CTNNA2: variants seen among roughly 807,000 people sequenced by gnomAD.
CTNNA2 encodes catenin alpha-2.
Under a neutral mutation model 101.0 loss-of-function variants are expected in CTNNA2, and 42 were observed. The ratio of observed to expected loss-of-function variants is 0.42; its 90% CI spans 0.32 to 0.54. The LOEUF (loss-of-function observed/expected upper bound fraction) is 0.54, where lower values mean the gene tolerates loss of function less well. CTNNA2 is among the 20% of genes least tolerant of loss of function. CTNNA2 has a pLI of 0.14. For synonymous variants in CTNNA2, 450 were observed against 456.4 expected (o/e 0.99, Z 0.18); for missense variants, 871 against 1,223.1 (o/e 0.71, Z 4.29).
chr2:80,025,901 G>A lies in CTNNA2; in HGVS notation c.1056+116104G>A, dbSNP rs371473075. ...AAGGTGCTCGAGAAACAGCAACAAG[G>A]AAAACAAAAACCTAGTTTTCCTGGA... is the stretch of plus-strand genomic sequence containing the variant. On this transcript the variant is annotated intron_variant, in intron 7 of 18. Transcript: ENST00000402739. Among the ~76,000 whole-genome samples the A allele has an allele frequency of 1.9e-4, 29 of 152,226 alleles. No homozygotes were observed. The South Asian group carries it at 5.4e-3, about 28-fold the overall frequency.
intron 12 of CTNNA2, chr2:80,573,307 T>A (rs1248212228): frequency 6.6e-6 from 1 of 152,228 alleles, no homozygotes; most frequent in Admixed American, 6.5e-5. Context: ...GAGTTTACTT[T>A]CCACTAATCT....
chr2:80,619,152 C>T lies in CTNNA2; in HGVS notation c.2498C>T (p.Ala833Val). 1 of 1,567,936 alleles carries T rather than the reference C, an allele frequency of 6.4e-7. No homozygotes were observed. The highest frequency in any genetic ancestry group is 8.7e-7 in the Non-Finnish European group (1 of 1,155,654). ...TGTGATGTCATAGATGGGGGCAGGG[C>T]TAGTCAACTTTCTACCCACCTCCCA... ...VDCDVIDGGR[A>V]SQLSTHLPTC... is the part of the protein sequence containing the mutation. The change falls in exon 18 of 19, where the codon GCT (alanine) becomes GTT (valine). Residue 833 changes from alanine to valine, a missense_variant. By Grantham distance (64) the Ala-to-Val change is moderately conservative. Around this residue, in one of 5 missense-constraint regions of CTNNA2, gnomAD observed 65 missense variants for 53.3 expected, o/e 1.22. Transcript: ENST00000402739.
At chr2:79,276,064 C>T (rs551366469) in intron 2 of CTNNA2, among the ~76,000 whole-genome samples, 1 of 151,940 alleles carries the variant, frequency 6.6e-6, no homozygotes, top group South Asian at 2.1e-4. Flanking sequence ...CCTGGGAAGA[C>T]TATTCCAGGA....
chr2:79,373,878 C>T (rs980350381), exon 4 of CTNNA2: 3 of 152,194 alleles, frequency 2.0e-5, no homozygotes, highest in Middle Eastern at 3.4e-3. Context: ...CCTGGAGTCA[C>T]AGAGATTTAA....
chr2:79,372,804 GC>G, intron 3 of CTNNA2, among the ~76,000 whole-genome samples: 1 of 152,280 alleles, frequency 6.6e-6, no homozygotes, highest in East Asian at 1.9e-4. Context: ...AGGCTATAAG[GC>G]AATTGAACGT....
At position 80,482,984 on chromosome 2, in the gene CTNNA2, G is replaced by C. The variant is rs73941148; in HGVS notation, c.1291-61998G>C. Among the ~76,000 whole-genome samples the C allele has an allele frequency of 8.1e-3, 1,229 of 152,184 alleles. 22 individuals carry two copies. Among genetic ancestry groups the C allele is most frequent in the African/African-American group, 0.028 (1,145 of 41,516 alleles). Reference sequence around the variant, plus strand: ...TGCTCCTGGAAGAACTTGATTTTGTGAACACTTTTTAGTAGATCTTATCTT... The same window carrying C: ...TGCTCCTGGAAGAACTTGATTTTGTCAACACTTTTTAGTAGATCTTATCTT... On this transcript the variant is annotated intron_variant, in intron 9 of 18. Transcript: ENST00000402739.
chr2:79,967,396 A>G (rs1690150784), intron 7 of CTNNA2, among the ~76,000 whole-genome samples: 1 of 151,982 alleles, frequency 6.6e-6, no homozygotes, highest in African/African-American at 2.4e-5. Flanking sequence ...AAAGGTCTCA[A>G]TCTCTACAGG....
intron 7 of CTNNA2, among the ~76,000 whole-genome samples, chr2:79,967,217 T>A (rs952509873): frequency 6.6e-6 from 1 of 152,084 alleles, no homozygotes; most frequent in Non-Finnish European, 1.5e-5. Flanking sequence ...CTAGAATCAT[T>A]GTTTTTTGAA....
intron 3 of CTNNA2, among the ~76,000 whole-genome samples, chr2:79,758,872 G>T (rs1254796909): frequency 1.3e-5 from 2 of 152,102 alleles, no homozygotes; most frequent in African/African-American, 4.8e-5. Flanking sequence ...TTGATTCCAT[G>T]AGTCTGCTTT....
chr2:79,600,694 A>G (rs915883522), intron 1 of CTNNA2, among the ~76,000 whole-genome samples: 3 of 152,192 alleles, frequency 2.0e-5, no homozygotes, highest in Non-Finnish European at 2.9e-5. Flanking sequence ...GGCTCCTATG[A>G]CAGAATACCA....
At chr2:80,382,751 T>C (rs1193815074) in intron 7 of CTNNA2, among the ~76,000 whole-genome samples, 1 of 152,234 alleles carries the variant, frequency 6.6e-6, no homozygotes, top group East Asian at 1.9e-4. Flanking sequence ...TTCTCAGCAA[T>C]GTGGACCCAG....
chr2:80,527,603 T>C (rs1220102694), intron 9 of CTNNA2, among the ~76,000 whole-genome samples: 2 of 152,190 alleles, frequency 1.3e-5, no homozygotes, highest in Non-Finnish European at 2.9e-5. Flanking sequence ...CAGAATCTTC[T>C]GGTGAAATGT....
chr2:80,496,396 T>TGTC, intron 9 of CTNNA2, among the ~76,000 whole-genome samples: 1 of 33,234 alleles, frequency 3.0e-5, no homozygotes, highest in African/African-American at 2.0e-4. Flanking sequence ...CTTCACTGTC[T>TGTC]TTTTTTTTTT....
chr2:80,300,283 TG>T (rs1676151348), intron 7 of CTNNA2, among the ~76,000 whole-genome samples: 4 of 10,274 alleles, frequency 3.9e-4, no homozygotes, highest in Admixed American at 1.1e-3. Context: ...GGTGTTGGGG[TG>T]TGTGTGTGTG....
intron 7 of CTNNA2, among the ~76,000 whole-genome samples, chr2:80,099,801 T>C (rs928375278): frequency 2.0e-5 from 3 of 150,548 alleles, no homozygotes; most frequent in African/African-American, 4.9e-5. Flanking sequence ...GGAGACAACC[T>C]GCTACAGATT....
At chr2:80,390,525 A>T (rs1677413620) in intron 7 of CTNNA2, among the ~76,000 whole-genome samples, 1 of 152,136 alleles carries the variant, frequency 6.6e-6, no homozygotes, top group Non-Finnish European at 1.5e-5. Context: ...AGCCTCCCAA[A>T]CGTGTCTGTA....
intron 2 of CTNNA2, among the ~76,000 whole-genome samples, chr2:79,726,010 T>C (rs555153923): frequency 7.2e-5 from 11 of 152,286 alleles, no homozygotes; most frequent in African/African-American, 2.6e-4. Context: ...TTGAGCTAAT[T>C]TGGATTTAGG....
intron 7 of CTNNA2, among the ~76,000 whole-genome samples, chr2:80,043,134 C>T (rs1280050753): frequency 2.6e-4 from 12 of 47,056 alleles, no homozygotes; most frequent in African/African-American, 1.1e-3. Context: ...TCCTTCCTTC[C>T]TTCCTTCCTT....
intron 17 of CTNNA2, 140 bp downstream of exon 17, chr2:80,608,458 A>T: frequency 1.3e-6 from 1 of 785,884 alleles, no homozygotes. Context: ...TGTTATCACC[A>T]TTATTCCAGA....
Sources: gnomAD v4.1 joint callset for allele counts (sites outside exome capture counted in the v4.1 genomes callset) on GRCh38, gnomAD v4.1.1 for gene constraint, gnomAD v4.1.1 regional missense constraint, MANE v1.5 for transcripts, NCBI Gene and HGNC (gene_info 2026-07-23, HGNC 2026-07-21) for gene names.